USP47: variants seen among roughly 807,000 people sequenced by gnomAD.
USP47 encodes ubiquitin carboxyl-terminal hydrolase 47.
Under a neutral mutation model 165.1 loss-of-function variants are expected in USP47, and 35 were observed. That is an observed-to-expected ratio of 0.21 (90% confidence interval 0.16 to 0.28). The LOEUF (loss-of-function observed/expected upper bound fraction) is 0.28. Among genes scored for constraint, USP47 ranks in the 10% least tolerant of loss-of-function variants. USP47 has a pLI of 1.00. For missense variants in USP47, 1,277 were observed against 1,607.4 expected (o/e 0.79, Z 3.52); for synonymous variants, 531 against 544.5 (o/e 0.98, Z 0.35).
intron 4 of USP47, among the ~76,000 whole-genome samples, chr11:11,892,374 A>T (rs7939855): frequency 0.78 from 110,751 of 141,878 alleles, 43,982 homozygotes; most frequent in African/African-American, 0.93. Context: ...TTTTCTTTTT[A>T]ATTTTCTTTT....
At chr11:11,918,594 G>A (rs934106639) in intron 8 of USP47, among the ~76,000 whole-genome samples, 14 of 152,012 alleles carry the variant, frequency 9.2e-5, no homozygotes, top group African/African-American at 3.4e-4. Context: ...ATGTTGGGTT[G>A]GGCGAGGGAA....
At chr11:11,937,555 C>T (rs1590421271) in intron 17 of USP47, among the ~76,000 whole-genome samples, 1 of 148,190 alleles carries the variant, frequency 6.7e-6, no homozygotes, top group Non-Finnish European at 1.5e-5. Context: ...TAAAGAGTCC[C>T]TTAAGGACAT....
rs1856565800 is a variant in USP47, at chr11:11,956,439, C to G, written c.*264C>G. Reference sequence around the variant, plus strand: ...AAAAAAAAACAACAAAAAAAGCTAACCTTCTATTAGAAAAGGGGACAGGGG... The same window carrying G: ...AAAAAAAAACAACAAAAAAAGCTAAGCTTCTATTAGAAAAGGGGACAGGGG... On this transcript the variant is annotated 3_prime_UTR_variant, in exon 28 of 28. Coordinates refer to ENST00000527733, the MANE Select transcript of USP47 (RefSeq NM_001282659.2). 3.4e-6 allele frequency: 1 copy of G among 292,782 alleles called. No individual in the cohort carries two copies. Among genetic ancestry groups the G allele is most frequent in the Non-Finnish European group, 6.3e-6 (1 of 158,736 alleles). The allele number at this position is 292,782 out of a possible 1,614,324, so 18.1% of individuals were successfully genotyped here. A position where few individuals can be genotyped will look rare whatever the true frequency, so the allele number is the denominator to read the frequency against.
At position 11,842,066 on chromosome 11, in the gene USP47, A is replaced by G. The variant is rs1848150071; in HGVS notation, c.-120A>G. 7 of 1,293,442 alleles carry G rather than the reference A, an allele frequency of 5.4e-6. No homozygotes were observed. The highest frequency in any genetic ancestry group is 1.5e-5 in the African/African-American group (1 of 67,082). The allele number at this position is 1,293,442 out of a possible 1,614,324, so 80.1% of individuals were successfully genotyped here. The stretch of plus-strand genomic sequence containing the variant: ...TGAGGCCCAGGCTGAGGCCTCCGCT[A>G]TTGCTGGAGCGCAGGCGGCGGAGAG... On this transcript the variant is annotated 5_prime_UTR_variant, in exon 1 of 28. Coordinates refer to ENST00000527733, the MANE Select transcript of USP47 (RefSeq NM_001282659.2).
chr11:11,868,703 T>A (rs967280935), intron 1 of USP47, among the ~76,000 whole-genome samples: 3 of 151,902 alleles, frequency 2.0e-5, no homozygotes, highest in African/African-American at 4.8e-5. Context: ...TTTTTTTTTT[T>A]AATTACTGGA....
intron 1 of USP47, among the ~76,000 whole-genome samples, chr11:11,877,821 G>C (rs867762182): frequency 0.033 from 1,629 of 49,182 alleles, 37 homozygotes; most frequent in African/African-American, 0.084. Flanking sequence ...GTGTGTGTGT[G>C]TGTGTGTGTG....
At chr11:11,877,707 G>T (rs1850526402) in intron 1 of USP47, among the ~76,000 whole-genome samples, 1 of 151,824 alleles carries the variant, frequency 6.6e-6, no homozygotes, top group South Asian at 2.1e-4. Flanking sequence ...AAAGATGTTA[G>T]AAAACAGCAT....
At chr11:11,863,500 T>C (rs906988824) in intron 1 of USP47, among the ~76,000 whole-genome samples, 11 of 152,202 alleles carry the variant, frequency 7.2e-5, no homozygotes. Flanking sequence ...CTTCTATAGC[T>C]AACACTTTAG....
intron 8 of USP47, among the ~76,000 whole-genome samples, chr11:11,915,773 T>C (rs1441044706): frequency 1.3e-5 from 2 of 152,204 alleles, no homozygotes; most frequent in African/African-American, 4.8e-5. Context: ...GACAGTTGAA[T>C]ATATTTTTAA....
rs377172288 is a variant in USP47 at position 11,940,443 on chromosome 11, T to G, written c.2208T>G (p.Pro736=). The G allele has an allele frequency of 4.2e-5, 68 of 1,609,564 alleles. 1 individual carries two copies. In the African/African-American group the frequency reaches 8.4e-4, roughly 20 times the overall value. ...KQLISKAIHL[P]AETMRIVLER... is the part of the protein sequence containing the mutation. ...TTTCATTATAGGCCATCCATTTACC[T>G]GCTGAAACAATGAGAATAGTGCTGG... is the stretch of plus-strand genomic sequence containing the variant. Residue 736 remains proline (P), a synonymous_variant, in exon 19 of 28, where the codon CCT becomes CCG. Coordinates refer to ENST00000527733, the MANE Select transcript of USP47 (RefSeq NM_001282659.2).
chr11:11,930,903 T>C, intron 14 of USP47, 152 bp downstream of exon 14: 1 of 596,032 alleles, frequency 1.7e-6, no homozygotes, highest in East Asian at 3.1e-5. Flanking sequence ...TACAAAATAA[T>C]ACCAAATGTT....
intron 10 of USP47, among the ~76,000 whole-genome samples, chr11:11,922,424 A>G (rs1347449627): frequency 2.6e-5 from 4 of 151,980 alleles, no homozygotes; most frequent in Non-Finnish European, 5.9e-5. Context: ...AAAAGAAATG[A>G]TAATTTCAAC....
rs1848145347 is a variant in USP47 at position 11,842,007 on chromosome 11, C to CGGA, written c.-177_-175dup. 1.6e-6 allele frequency: 1 copy of CGGA among 608,890 alleles called. No homozygotes were observed. Among genetic ancestry groups the CGGA allele is most frequent in the South Asian group, 2.9e-5 (1 of 34,460 alleles). 37.7% of individuals were successfully genotyped at this position (608,890 alleles called of 1,614,324 possible). On this transcript the variant is annotated 5_prime_UTR_variant, in exon 1 of 28. Transcript: ENST00000527733. Reference sequence around the variant, plus strand: ...GCTGTGGTAGCGGCGGCGGCGGCGGCGGAGCCCTGGGTCGGTGTCTGCGCG... The same window carrying CGGA: ...GCTGTGGTAGCGGCGGCGGCGGCGGCGGAGGAGCCCTGGGTCGGTGTCTGCGCG...
At chr11:11,929,897 A>G (rs1020852114) in intron 12 of USP47, 147 bp from the exon 13 acceptor site, 1 of 706,650 alleles carries the variant, frequency 1.4e-6, no homozygotes, top group African/African-American at 1.8e-5. Context: ...ACTGATTATG[A>G]TTAAATTTTG....
intron 3 of USP47, 124 bp from the exon 4 acceptor site, chr11:11,891,844 C>A: frequency 8.5e-7 from 1 of 1,178,974 alleles, no homozygotes; most frequent in Non-Finnish European, 1.2e-6. Flanking sequence ...TGGAAGGGGG[C>A]ATGAGCACCT....
At position 11,958,350 on chromosome 11, in the gene USP47, G is replaced by T. The variant is rs114495119; in HGVS notation, c.*2175G>T. 4.2e-4 allele frequency: 61 copies of T among 146,718 alleles called. No individual in the cohort carries two copies. The highest frequency in any genetic ancestry group is 1.6e-3 in the African/African-American group (58 of 37,140). The allele number at this position is 146,718 out of a possible 1,614,324, so 9.1% of individuals were successfully genotyped here. The stretch of plus-strand genomic sequence containing the variant: ...AGAAAATATATTTCATTATAGAAAA[G>T]AAAAAATTAAAAGCTTCTTGCTTTT... On this transcript the variant is annotated 3_prime_UTR_variant, in exon 28 of 28. Coordinates refer to ENST00000527733, the MANE Select transcript of USP47 (RefSeq NM_001282659.2).
At chr11:11,884,152 T>C (rs1851007570) in intron 2 of USP47, among the ~76,000 whole-genome samples, 1 of 152,168 alleles carries the variant, frequency 6.6e-6, no homozygotes, top group Non-Finnish European at 1.5e-5. Context: ...GTATAGAACA[T>C]GGAAAGAGAA....
At chr11:11,886,967 A>C (rs56663472) in intron 3 of USP47, among the ~76,000 whole-genome samples, 1 of 152,172 alleles carries the variant, frequency 6.6e-6, no homozygotes, top group African/African-American at 2.4e-5. Context: ...CCAAAATTTC[A>C]TATCTGGCCA....
chr11:11,956,160 T>C lies in USP47; in HGVS notation c.4053T>C (p.Asp1351=), dbSNP rs765374105. Reference sequence around the variant, plus strand: ...ATCTGGATGGAGCACCAAATAAAGATCTGACTCAAGACTGACTCTGATAGT... The same window carrying C: ...ATCTGGATGGAGCACCAAATAAAGACCTGACTCAAGACTGACTCTGATAGT... ...KIYLDGAPNK[D]LTQD The change falls in exon 28 of 28, where the codon GAT becomes GAC. Residue 1351 remains aspartate, a synonymous_variant. Transcript: ENST00000527733. The C allele has an allele frequency of 1.9e-6, 3 of 1,614,080 alleles. No individual in the cohort carries two copies. Among genetic ancestry groups the C allele is most frequent in the Middle Eastern group, 1.7e-4 (1 of 6,060 alleles).
Sources: allele counts gnomAD v4.1 joint callset (sites outside exome capture counted in the v4.1 genomes callset), GRCh38; gene constraint gnomAD v4.1.1; transcripts MANE v1.5; gene names NCBI Gene and HGNC (gene_info 2026-07-23, HGNC 2026-07-21).